Variants in RAD54B observed in about 807,000 individuals in gnomAD.
RAD54B encodes DNA repair and recombination protein RAD54B.
Under a neutral mutation model 95.8 loss-of-function variants are expected in RAD54B, and 78 were observed. The ratio of observed to expected loss-of-function variants is 0.81; its 90% CI spans 0.68 to 0.98. The LOEUF is 0.98. Ranked by LOEUF, RAD54B falls within the 50% of genes least tolerant of loss-of-function variation. The probability of loss-of-function intolerance (pLI) is 0.00; values close to 1 mark genes in which losing one functional copy is unlikely to be tolerated. For synonymous variants in RAD54B, 328 were observed against 354.9 expected (o/e 0.92, Z 0.85); for missense variants, 957 against 1,056.6 (o/e 0.91, Z 1.31).
chr8:94,431,749 T>A, intron 3 of RAD54B: 1 of 996,306 alleles, frequency 1.0e-6, no homozygotes, highest in Non-Finnish European at 1.2e-6. Flanking sequence ...GTATAGCTCC[T>A]AAATTAGACT....
chr8:94,396,308 C>G (rs1423674704), intron 8 of RAD54B, among the ~76,000 whole-genome samples: 1 of 150,640 alleles, frequency 6.6e-6, no homozygotes, highest in African/African-American at 2.4e-5. Context: ...CTTACTAAGA[C>G]TATTTTCAAG....
chr8:94,458,637 C>T (rs1050816464), intron 2 of RAD54B, among the ~76,000 whole-genome samples: 25 of 152,070 alleles, frequency 1.6e-4, no homozygotes, highest in African/African-American at 5.6e-4. Context: ...GAGGCCGAGG[C>T]GGGTGAATTA....
chr8:94,467,592 C>G, intron 1 of RAD54B, 37 bp from the exon 2 acceptor site: 3 of 1,559,304 alleles, frequency 1.9e-6, no homozygotes, highest in South Asian at 2.4e-5. Flanking sequence ...ATCCACGAAT[C>G]TAATTACAAT....
intron 3 of RAD54B, chr8:94,429,246 GA>G: frequency 1.8e-6 from 1 of 548,098 alleles, no homozygotes. Flanking sequence ...CAATGCTGCA[GA>G]AAAATATGAT....
At chr8:94,406,479 G>C (rs1318755252) in intron 5 of RAD54B, among the ~76,000 whole-genome samples, 2 of 152,158 alleles carry the variant, frequency 1.3e-5, no homozygotes, top group African/African-American at 2.4e-5. Context: ...TTTCAACTAA[G>C]TCTTTGGGAT....
At chr8:94,374,717 AT>A (rs1433037439) in intron 14 of RAD54B, among the ~76,000 whole-genome samples, 2 of 152,188 alleles carry the variant, frequency 1.3e-5, no homozygotes, top group Non-Finnish European at 2.9e-5. Flanking sequence ...AATGAAAAAA[AT>A]ATTTCACAAG....
chr8:94,403,182 C>T (rs537282443), intron 6 of RAD54B, among the ~76,000 whole-genome samples: 9 of 152,156 alleles, frequency 5.9e-5, no homozygotes, highest in Middle Eastern at 3.4e-3. Flanking sequence ...CATTTAAAAA[C>T]AAGGCAAAAC....
chr8:94,472,820 G>A (rs1379481775), intron 1 of RAD54B, among the ~76,000 whole-genome samples: 3 of 152,118 alleles, frequency 2.0e-5, no homozygotes. Flanking sequence ...CACTAAATGC[G>A]AAGAATTACT....
At chr8:94,412,762 G>T (rs1027640783) in intron 3 of RAD54B, among the ~76,000 whole-genome samples, 1 of 151,912 alleles carries the variant, frequency 6.6e-6, no homozygotes, top group African/African-American at 2.4e-5. Flanking sequence ...AAAGTATAAA[G>T]ATCAGAAAGG....
At chr8:94,388,867 C>A (rs1296461286) in intron 10 of RAD54B, among the ~76,000 whole-genome samples, 1 of 152,100 alleles carries the variant, frequency 6.6e-6, no homozygotes, top group African/African-American at 2.4e-5. Context: ...GACCACAGGC[C>A]CAGGGTCTAG....
At chr8:94,407,384 C>A in intron 5 of RAD54B, 55 bp downstream of exon 5, 1 of 1,507,098 alleles carries the variant, frequency 6.6e-7, no homozygotes, top group Non-Finnish European at 9.0e-7. Flanking sequence ...AATTCACACA[C>A]AAAAAACATT....
intron 3 of RAD54B, among the ~76,000 whole-genome samples, chr8:94,421,828 G>A (rs1487207786): frequency 6.6e-6 from 1 of 152,032 alleles, no homozygotes; most frequent in Non-Finnish European, 1.5e-5. Context: ...ATTACTGCAG[G>A]GGCTTCCCAA....
intron 3 of RAD54B, among the ~76,000 whole-genome samples, chr8:94,453,376 A>G (rs1812710896): frequency 6.6e-6 from 1 of 152,034 alleles, no homozygotes; most frequent in African/African-American, 2.4e-5. Context: ...TAAAAATACA[A>G]AAAAATTAGC....
chr8:94,414,018 C>A (rs2450574), intron 3 of RAD54B, among the ~76,000 whole-genome samples: 1 of 151,730 alleles, frequency 6.6e-6, no homozygotes, highest in Admixed American at 6.6e-5. Flanking sequence ...GTACTTTTAG[C>A]AGAGACGGGG....
chr8:94,426,874 T>C (rs1811956054), intron 3 of RAD54B, among the ~76,000 whole-genome samples: 1 of 152,186 alleles, frequency 6.6e-6, no homozygotes, highest in African/African-American at 2.4e-5. Context: ...CACAAATAAA[T>C]AGTGAACTCT....
At chr8:94,430,461 T>G (rs1253523045) in intron 3 of RAD54B, 1 of 984,274 alleles carries the variant, frequency 1.0e-6, no homozygotes, top group Non-Finnish European at 1.2e-6. Flanking sequence ...CAAAATACTC[T>G]GTTTCACTGG....
chr8:94,373,534 C>CT (rs1376205457), intron 14 of RAD54B, among the ~76,000 whole-genome samples: 1 of 152,204 alleles, frequency 6.6e-6, no homozygotes, highest in Non-Finnish European at 1.5e-5. Context: ...GCAGAGGACT[C>CT]TAAGGTCCAA....
intron 8 of RAD54B, among the ~76,000 whole-genome samples, chr8:94,394,297 A>C (rs1261125785): frequency 6.6e-6 from 1 of 152,204 alleles, no homozygotes; most frequent in Non-Finnish European, 1.5e-5. Flanking sequence ...TCCATATAAT[A>C]TACTTTGAAT....
chr8:94,440,410 T>C (rs1812371404), intron 3 of RAD54B, among the ~76,000 whole-genome samples: 1 of 152,218 alleles, frequency 6.6e-6, no homozygotes, highest in Non-Finnish European at 1.5e-5. Context: ...TGGAAAATAC[T>C]ATGCAGGACT....
Sources: allele counts gnomAD v4.1 joint callset (sites outside exome capture counted in the v4.1 genomes callset), GRCh38; gene constraint gnomAD v4.1.1; transcripts MANE v1.5; gene names NCBI Gene and HGNC (gene_info 2026-07-23, HGNC 2026-07-21).